SLC36A1: variants seen among roughly 807,000 people sequenced by gnomAD.
The protein encoded by SLC36A1 is proton-coupled amino acid transporter 1.
SLC36A1 carries 30 observed loss-of-function variants against 47.5 expected under a neutral mutation model. That is an observed-to-expected ratio of 0.63 (90% CI 0.47 to 0.86). The LOEUF (loss-of-function observed/expected upper bound fraction) is 0.86. SLC36A1 is among the 40% of genes least tolerant of loss of function. The pLI, the probability that SLC36A1 is intolerant of heterozygous loss-of-function variation, is 0.00. For synonymous variants in SLC36A1, 255 were observed against 249.7 expected, an observed-to-expected ratio of 1.02 and a Z score of -0.20; for missense variants, 517 against 606.0, an observed-to-expected ratio of 0.85 and a Z score of 1.54.
Position 151,488,446 on chromosome 5 carries a change from A to G in SLC36A1, c.*192A>G, listed in dbSNP as rs1759844546. On this transcript the variant is annotated 3_prime_UTR_variant, in exon 11 of 11. Transcript: ENST00000243389. ...GGGAGAGGTGGGGTGGCAGACACGC[A>G]GAAGTGCTACTAGTGACAGGGCTGC... 2 of 679,466 alleles carry G rather than the reference A, an allele frequency of 2.9e-6. No homozygotes were observed. Among genetic ancestry groups the G allele is most frequent in the South Asian group, 1.9e-5 (1 of 51,292 alleles). 42.1% of individuals were successfully genotyped at this position (679,466 alleles called of 1,614,324 possible).
At chr5:151,385,037 T>TGTGTGTGTGTGTGTGAGA in the SLC36A1 span, among the ~76,000 whole-genome samples, 4 of 142,208 alleles carry the variant, frequency 2.8e-5, no homozygotes, top group African/African-American at 1.1e-4. Flanking sequence ...TGTGTGTGTG[T>TGTGTGTGTGTGTGTGAGA]GAGAGAGAGA....
chr5:151,430,952 T>G, the SLC36A1 span, among the ~76,000 whole-genome samples: 3 of 152,242 alleles, frequency 2.0e-5, no homozygotes, highest in African/African-American at 7.2e-5. Context: ...CTTCTGTGTG[T>G]ACATATCTTC....
At chr5:151,546,401 A>G in the SLC36A1 span, 1 of 1,254,884 alleles carries the variant, frequency 8.0e-7, no homozygotes, top group Non-Finnish European at 1.1e-6. Context: ...TAGGCTTTCT[A>G]GATCAGTAAA....
chr5:151,542,250 T>C, the SLC36A1 span: 2 of 1,535,934 alleles, frequency 1.3e-6, no homozygotes, highest in East Asian at 4.5e-5. Flanking sequence ...TTTCGATACA[T>C]TCCAGAGCCT....
chr5:151,550,826 A>G, the SLC36A1 span: 3 of 1,613,662 alleles, frequency 1.9e-6, no homozygotes, highest in Non-Finnish European at 2.5e-6. Flanking sequence ...GTTTCCAGAA[A>G]CTGGGGCCGA....
At chr5:151,533,104 G>T in the SLC36A1 span, among the ~76,000 whole-genome samples, 1 of 152,100 alleles carries the variant, frequency 6.6e-6, no homozygotes, top group Non-Finnish European at 1.5e-5. Flanking sequence ...AGCTATCTAG[G>T]AGATCTGTGT....
the SLC36A1 span, among the ~76,000 whole-genome samples, chr5:151,533,864 C>A: frequency 5.9e-5 from 9 of 151,736 alleles, no homozygotes; most frequent in Non-Finnish European, 1.2e-4. Context: ...ATAATTGGTA[C>A]AATATGGAAC....
Position 151,489,237 on chromosome 5 carries a change from G to A in SLC36A1, c.*983G>A, listed in dbSNP as rs1421151341. On this transcript the variant is annotated 3_prime_UTR_variant, in exon 11 of 11. Transcript: ENST00000243389. The surrounding 1 kb of genome is among the most constrained non-coding windows in gnomAD (Gnocchi z 4.5). ...GACTGCAGAAATGTATGGGTGCACC[G>A]GGCCGAGGGAAGGGTGGCTGAGTGA... is the stretch of plus-strand genomic sequence containing the variant. 2.0e-5 allele frequency: 3 copies of A among 152,390 alleles called. No individual in the cohort carries two copies. The highest frequency in any genetic ancestry group is 4.8e-5 in the African/African-American group (2 of 41,428). The allele number at this position is 152,390 out of a possible 1,614,324, so 9.4% of individuals were successfully genotyped here. A position where few individuals can be genotyped will look rare whatever the true frequency, so the allele number is the denominator to read the frequency against.
the SLC36A1 span, chr5:151,545,210 A>G: frequency 6.2e-7 from 1 of 1,614,110 alleles, no homozygotes; most frequent in African/African-American, 1.3e-5. Context: ...GCTGCCCAGT[A>G]GACATCCTGA....
At chr5:151,479,666 A>G (rs1469770280) in intron 10 of SLC36A1, 177 bp downstream of exon 10, 1 of 628,116 alleles carries the variant, frequency 1.6e-6, no homozygotes, top group African/African-American at 1.8e-5. Context: ...AAGTGAATTA[A>G]TTACATATGT....
the SLC36A1 span, among the ~76,000 whole-genome samples, chr5:151,360,939 A>G: frequency 1.3e-5 from 2 of 152,140 alleles, no homozygotes; most frequent in Admixed American, 6.5e-5. Flanking sequence ...TTCACTCCCC[A>G]TCTTTTTTGT....
At chr5:151,428,415 C>G in the SLC36A1 span, among the ~76,000 whole-genome samples, 1 of 152,090 alleles carries the variant, frequency 6.6e-6, no homozygotes, top group African/African-American at 2.4e-5. Flanking sequence ...TGGCCTAGCT[C>G]CCAACTCATT....
chr5:151,413,847 TA>T, the SLC36A1 span, among the ~76,000 whole-genome samples: 1 of 152,050 alleles, frequency 6.6e-6, no homozygotes, highest in African/African-American at 2.4e-5. Flanking sequence ...TGGCAGTAGA[TA>T]TTATATTTAT....
the SLC36A1 span, chr5:151,525,900 A>C: frequency 6.2e-7 from 1 of 1,614,176 alleles, no homozygotes; most frequent in Non-Finnish European, 8.5e-7. Flanking sequence ...AGGGGGGGCC[A>C]TTCTCTGGAG....
upstream of SLC36A1, among the ~76,000 whole-genome samples, chr5:151,433,264 A>C (rs1344117592): frequency 1.0e-4 from 1 of 9,780 alleles, no homozygotes; most frequent in Non-Finnish European, 1.9e-4. Flanking sequence ...ATATATATAT[A>C]TATTTTTTTT....
At chr5:151,387,879 A>T in the SLC36A1 span, among the ~76,000 whole-genome samples, 1 of 150,842 alleles carries the variant, frequency 6.6e-6, no homozygotes, top group Admixed American at 6.6e-5. Flanking sequence ...TACAGAGCAT[A>T]AAGTCTCACT....
chr5:151,406,934 G>A, the SLC36A1 span, among the ~76,000 whole-genome samples: 8 of 152,060 alleles, frequency 5.3e-5, no homozygotes, highest in South Asian at 2.1e-4. Flanking sequence ...AGATGTGTCC[G>A]GAGTTTCTTC....
the SLC36A1 span, among the ~76,000 whole-genome samples, chr5:151,408,324 G>T: frequency 6.6e-6 from 1 of 152,100 alleles, no homozygotes. Context: ...AAGTAGCTGG[G>T]ACTACAGGCA....
the SLC36A1 span, among the ~76,000 whole-genome samples, chr5:151,424,932 C>T: frequency 6.6e-6 from 1 of 152,074 alleles, no homozygotes; most frequent in Non-Finnish European, 1.5e-5. Flanking sequence ...TGTAAATTTA[C>T]TGAAAATTCA....
Sources: gnomAD v4.1 joint callset for allele counts (sites outside exome capture counted in the v4.1 genomes callset) on GRCh38, gnomAD v4.1.1 for gene constraint, Gnocchi (gnomAD v3.1) non-coding constraint, MANE v1.5 for transcripts, NCBI Gene and HGNC (gene_info 2026-07-23, HGNC 2026-07-21) for gene names.